Variants in ZC3H18 observed in about 807,000 individuals in gnomAD.
ZC3H18 encodes zinc finger CCCH domain-containing protein 18.
Under a neutral mutation model 106.1 loss-of-function variants are expected in ZC3H18, and 8 were observed. The ratio of observed to expected loss-of-function variants is 0.08; its 90% CI spans 0.04 to 0.14. ZC3H18 has a LOEUF of 0.14. Among genes scored for constraint, ZC3H18 ranks in the 10% least tolerant of loss-of-function variants. The pLI, the probability that ZC3H18 is intolerant of heterozygous loss-of-function variation, is 1.00. For synonymous variants in ZC3H18, 635 were observed against 522.1 expected, an observed-to-expected ratio of 1.22 and a Z score of -2.95; for missense variants, 1,318 against 1,278.4, an observed-to-expected ratio of 1.03 and a Z score of -0.47.
chr16:88,598,437 C>G (rs375806284), intron 4 of ZC3H18, 111 bp downstream of exon 4: 2 of 1,504,798 alleles, frequency 1.3e-6, no homozygotes, highest in Non-Finnish European at 1.8e-6. Flanking sequence ...TGCCCCCTTT[C>G]GGCTGCTTCT....
At chr16:88,586,959 C>T (rs1915475975) in intron 3 of ZC3H18, among the ~76,000 whole-genome samples, 1 of 152,186 alleles carries the variant, frequency 6.6e-6, no homozygotes, top group Non-Finnish European at 1.5e-5. Flanking sequence ...CCCTTCCGAT[C>T]GCAGCAGACC....
At chr16:88,582,279 C>T (rs1915184417) in intron 2 of ZC3H18, among the ~76,000 whole-genome samples, 1 of 117,604 alleles carries the variant, frequency 8.5e-6, no homozygotes. Flanking sequence ...GGCCAGAGTG[C>T]AGTGGTGCGA....
In ZC3H18 at chr16:88,574,491, G is replaced by A. The variant is rs550133342; in HGVS notation, c.-14-2619G>A. Reference sequence around the variant, plus strand: ...CCCAAAGTGCTAGGATTACAGACGCGAGCCACCACGCCTGGCCAGATTTGG... The same window carrying A: ...CCCAAAGTGCTAGGATTACAGACGCAAGCCACCACGCCTGGCCAGATTTGG... On this transcript the variant is annotated intron_variant, in intron 1 of 17. Coordinates refer to ENST00000301011, the MANE Select transcript of ZC3H18 (RefSeq NM_144604.4). Among the ~76,000 whole-genome samples the A allele has an allele frequency of 7.3e-5, 11 of 151,716 alleles. No individual in the cohort carries two copies. In the South Asian group the frequency reaches 1.5e-3, roughly 20 times the overall value.
intron 3 of ZC3H18, among the ~76,000 whole-genome samples, chr16:88,593,867 G>GT (rs1346297028): frequency 6.6e-6 from 1 of 152,178 alleles, no homozygotes; most frequent in Non-Finnish European, 1.5e-5. Flanking sequence ...GACTTTCTCA[G>GT]GTGACCATTG....
chr16:88,624,037 C>G lies in ZC3H18; in HGVS notation c.1873C>G (p.Pro625Ala). 2 of 1,614,090 alleles carry G rather than the reference C, an allele frequency of 1.2e-6. No individual in the cohort carries two copies. Among genetic ancestry groups the G allele is most frequent in the Non-Finnish European group, 1.7e-6 (2 of 1,179,962 alleles). Residue 625 changes from proline to alanine, a missense_variant, in exon 11 of 18, where the codon CCG becomes GCG. Transcript: ENST00000301011. ...ACCTTCCATCAGAACCAAGGGAGAG[C>G]CGGCCCCGCCGCCCGGGAAAGCAGG... Reference protein sequence around the residue: ...HRPSIRTKGEPAPPPGKAGEK... With the variant: ...HRPSIRTKGEAAPPPGKAGEK...
chr16:88,584,270 A>G (rs1915308168), intron 2 of ZC3H18, among the ~76,000 whole-genome samples: 1 of 152,058 alleles, frequency 6.6e-6, no homozygotes, highest in Non-Finnish European at 1.5e-5. Context: ...AAAAATAACA[A>G]AATTAGCCAG....
chr16:88,594,046 C>T (rs568756998), intron 3 of ZC3H18, among the ~76,000 whole-genome samples: 10 of 152,320 alleles, frequency 6.6e-5, no homozygotes, highest in African/African-American at 2.4e-4. Flanking sequence ...GCTCTGAGCA[C>T]ACTGAAAAGG....
At chr16:88,600,100 A>T in intron 6 of ZC3H18, 152 bp downstream of exon 6, 1 of 1,036,682 alleles carries the variant, frequency 9.6e-7, no homozygotes, top group South Asian at 1.6e-5. Context: ...GCATTCAGGC[A>T]CGGTTCTCAG....
chr16:88,615,211 T>TCCCTCTGCCTG (rs1905518502), intron 8 of ZC3H18, among the ~76,000 whole-genome samples: 1 of 9,628 alleles, frequency 1.0e-4, no homozygotes, highest in Non-Finnish European at 2.2e-4. Flanking sequence ...CCTCTGCCTT[T>TCCCTCTGCCTG]GACAGGCTGC....
intron 3 of ZC3H18, 85 bp from the exon 4 acceptor site, chr16:88,598,093 C>CCCCCCCCCT: frequency 3.0e-6 from 1 of 337,424 alleles, no homozygotes; most frequent in South Asian, 2.2e-5. Context: ...ATGGCCTCTG[C>CCCCCCCCCT]CCCCTCCCAC....
intron 3 of ZC3H18, 88 bp downstream of exon 3, chr16:88,586,772 C>T (rs999992021): frequency 9.5e-7 from 1 of 1,051,960 alleles, no homozygotes; most frequent in Non-Finnish European, 1.5e-6. Flanking sequence ...CCAGGCCCTG[C>T]TCTGCTCAAG....
At chr16:88,628,235 C>A in intron 15 of ZC3H18, 116 bp downstream of exon 15, 1 of 1,162,296 alleles carries the variant, frequency 8.6e-7, no homozygotes, top group Non-Finnish European at 1.2e-6. Flanking sequence ...TGGGGCCTTG[C>A]AGGTGTCAGC....
intron 2 of ZC3H18, among the ~76,000 whole-genome samples, chr16:88,580,080 C>G (rs370867074): frequency 1.3e-5 from 2 of 152,000 alleles, no homozygotes; most frequent in African/African-American, 4.8e-5. Context: ...CTCCTCCATC[C>G]TTTATGTGTC....
At chr16:88,621,259 C>G (rs1311043429) in intron 8 of ZC3H18, among the ~76,000 whole-genome samples, 1 of 149,048 alleles carries the variant, frequency 6.7e-6, no homozygotes, top group Non-Finnish European at 1.5e-5. Context: ...GAGTCTCGCT[C>G]TGTCGCCCAG....
chr16:88,571,893 A>G (rs1014807657), intron 1 of ZC3H18, among the ~76,000 whole-genome samples: 1 of 152,240 alleles, frequency 6.6e-6, no homozygotes, highest in African/African-American at 2.4e-5. Flanking sequence ...GAACTTAGGC[A>G]TTCAAATAGG....
chr16:88,593,321 G>A (rs527648163), intron 3 of ZC3H18, among the ~76,000 whole-genome samples: 1 of 152,338 alleles, frequency 6.6e-6, no homozygotes, highest in African/African-American at 2.4e-5. Flanking sequence ...GGCCAAGAGG[G>A]CTGCTAAGTG....
intron 16 of ZC3H18, among the ~76,000 whole-genome samples, chr16:88,629,648 G>C (rs955584652): frequency 3.3e-5 from 5 of 152,186 alleles, no homozygotes; most frequent in African/African-American, 1.2e-4. Flanking sequence ...TGAGTGACGA[G>C]GCAGATAGTG....
At chr16:88,578,931 G>A (rs765983476) in intron 2 of ZC3H18, among the ~76,000 whole-genome samples, 13 of 152,134 alleles carry the variant, frequency 8.5e-5, no homozygotes, top group Non-Finnish European at 1.5e-4. Flanking sequence ...CAGGTGATCC[G>A]GCCGTCTCAG....
intron 2 of ZC3H18, 32 bp downstream of exon 2, chr16:88,577,758 A>T (rs757387910): frequency 6.2e-7 from 1 of 1,612,024 alleles, no homozygotes; most frequent in Admixed American, 1.7e-5. Context: ...GTCGCGGGGC[A>T]TCCTGCCCAG....
Sources: gnomAD v4.1 joint callset for allele counts (sites outside exome capture counted in the v4.1 genomes callset) on GRCh38, gnomAD v4.1.1 for gene constraint, MANE v1.5 for transcripts, NCBI Gene and HGNC (gene_info 2026-07-23, HGNC 2026-07-21) for gene names.